ENG: variants seen among roughly 807,000 people sequenced by gnomAD.
ENG encodes the protein CD105 antigen.
A neutral mutation model predicts 71.0 loss-of-function variants in ENG; 17 were observed. The observed-to-expected ratio is 0.24, with a 90% CI of 0.16 to 0.36. ENG has a LOEUF of 0.36. Among genes scored for constraint, ENG ranks in the 10% least tolerant of loss-of-function variants. ENG has a pLI of 1.00. For missense variants in ENG, 749 were observed against 868.3 expected (o/e 0.86, Z 1.73); for synonymous variants, 360 against 366.9 (o/e 0.98, Z 0.21).
At chr9:127,848,843 C>T (rs1410160979) in intron 1 of ENG, among the ~76,000 whole-genome samples, 1 of 152,224 alleles carries the variant, frequency 6.6e-6, no homozygotes, top group Non-Finnish European at 1.5e-5. Context: ...CCACTGGATA[C>T]AGTGAGTTCT....
At chr9:127,847,880 G>GC (rs1297925465) in intron 1 of ENG, among the ~76,000 whole-genome samples, 1 of 152,114 alleles carries the variant, frequency 6.6e-6, no homozygotes, top group Non-Finnish European at 1.5e-5. Flanking sequence ...GCATGCCTTG[G>GC]CCCCGGGCTC....
rs774885687 is a variant in ENG, at chr9:127,818,109, GC to G, written c.1686+10del. The G allele has an allele frequency of 1.4e-5, 22 of 1,613,964 alleles. No homozygotes were observed. The highest frequency in any genetic ancestry group is 1.7e-5 in the Non-Finnish European group (20 of 1,180,046). On this transcript the variant is annotated intron_variant, in intron 12 of 14. Transcript: ENST00000373203. ...CCACTTGAAGCTGGGGCCGGCCCAG[GC>G]CCCACTCACCTGGTCTTGAGACCCG...
intron 3 of ENG, among the ~76,000 whole-genome samples, chr9:127,828,217 C>A (rs1830672172): frequency 6.6e-6 from 1 of 151,988 alleles, no homozygotes; most frequent in African/African-American, 2.4e-5. Context: ...AACAAGGGGG[C>A]AAAGTGATGG....
chr9:127,824,755 C>T (rs1240268757), intron 7 of ENG, 45 bp downstream of exon 7: 3 of 1,449,102 alleles, frequency 2.1e-6, no homozygotes, highest in Middle Eastern at 2.2e-4. Flanking sequence ...GGCCACTGAT[C>T]CAAGGGAGGG....
chr9:127,818,737 C>T lies in ENG; in HGVS notation c.1407G>A (p.Pro469=), dbSNP rs41302657. Residue 469 remains proline (P), a synonymous_variant, in exon 11 of 15, where the codon CCG becomes CCA. Transcript: ENST00000373203. ...HFLQASNTIE[P]GQQSFVQVRV... is the part of the protein sequence containing the mutation. ...GTACCTGCACAAAGCTCTGCTGCCCCGGCTCGATGGTGTTGGAGGCCTGGA... is the reference window on the plus strand; with the variant it reads ...GTACCTGCACAAAGCTCTGCTGCCCTGGCTCGATGGTGTTGGAGGCCTGGA... 683 of 1,614,074 alleles carry T rather than the reference C, an allele frequency of 4.2e-4. 1 individual carries two copies. Among genetic ancestry groups the T allele is most frequent in the Admixed American group, 9.8e-4 (59 of 60,014 alleles).
intron 1 of ENG, among the ~76,000 whole-genome samples, chr9:127,851,306 A>G (rs1009741912): frequency 6.6e-6 from 1 of 150,548 alleles, no homozygotes; most frequent in Non-Finnish European, 1.5e-5. Flanking sequence ...CACAACCTCC[A>G]CCTCCCAGGG....
chr9:127,822,985 C>A (rs566038420), intron 8 of ENG, among the ~76,000 whole-genome samples: 38 of 151,922 alleles, frequency 2.5e-4, no homozygotes, highest in African/African-American at 8.9e-4. Context: ...GGACTACAGG[C>A]GTGCACCACC....
chr9:127,820,642 C>A, intron 8 of ENG, among the ~76,000 whole-genome samples: 1 of 150,926 alleles, frequency 6.6e-6, no homozygotes, highest in East Asian at 2.0e-4. Context: ...TCCTGGCTAA[C>A]ATGATGAAAC....
intron 10 of ENG, chr9:127,819,102 T>G: frequency 2.5e-6 from 1 of 396,676 alleles, no homozygotes. Flanking sequence ...CACGCCCGGC[T>G]AATTTTTTGT....
chr9:127,844,877 G>A (rs1831133840), intron 1 of ENG, among the ~76,000 whole-genome samples: 1 of 152,216 alleles, frequency 6.6e-6, no homozygotes, highest in African/African-American at 2.4e-5. Context: ...TGGTCTGAAG[G>A]GGTTGAGAGT....
rs766675335 is a variant in ENG at position 127,824,430 on chromosome 9, G to A, written c.1008C>T (p.Thr336=). 3.7e-6 allele frequency: 6 copies of A among 1,613,736 alleles called. No homozygotes were observed. Among genetic ancestry groups the A allele is most frequent in the Non-Finnish European group, 5.1e-6 (6 of 1,179,926 alleles). ...HASSCGGRLQ[T]SPAPIQTTPP... ...GAGTGGTCTGGATCGGTGCGGGTGAGGTCTGCAGCCTACCACCTGTGGGGT... is the reference window on the plus strand; with the variant it reads ...GAGTGGTCTGGATCGGTGCGGGTGAAGTCTGCAGCCTACCACCTGTGGGGT... Residue 336 remains threonine (T), a synonymous_variant, in exon 8 of 15, where the codon ACC becomes ACT. Coordinates refer to ENST00000373203, the MANE Select transcript of ENG (RefSeq NM_001114753.3).
In ENG at chr9:127,820,041, G is replaced by A. The variant is rs772807668; in HGVS notation, c.1135-4C>T. Reference sequence around the variant, plus strand: ...CCGTGATGGTGCACTTCAAATGCTGGGTCGGAAGAGAGGGGCACCATCAGG... The same window carrying A: ...CCGTGATGGTGCACTTCAAATGCTGAGTCGGAAGAGAGGGGCACCATCAGG... On this transcript the variant is annotated splice_polypyrimidine_tract_variant and splice_region_variant and intron_variant, in intron 8 of 14. Transcript: ENST00000373203. The A allele has an allele frequency of 6.2e-7, 1 of 1,613,398 alleles. No individual in the cohort carries two copies. Among genetic ancestry groups the A allele is most frequent in the Non-Finnish European group, 8.5e-7 (1 of 1,179,938 alleles).
intron 1 of ENG, among the ~76,000 whole-genome samples, chr9:127,844,589 C>A (rs918900556): frequency 1.3e-5 from 2 of 152,042 alleles, no homozygotes; most frequent in South Asian, 2.1e-4. Context: ...ACCACCACAT[C>A]CAGCTAATTT....
intron 1 of ENG, among the ~76,000 whole-genome samples, chr9:127,849,666 G>A (rs1393298061): frequency 4.6e-5 from 7 of 152,140 alleles, no homozygotes; most frequent in South Asian, 2.1e-4. Flanking sequence ...GTTGTACCCC[G>A]GATGGGAGGG....
rs147562038 is a variant in ENG at position 127,822,954 on chromosome 9, C to T, written c.1134+1350G>A. ...CTACCGGGTTCAAGCGATTCTCCTG[C>T]CTCAGCCTCCTGAGTAGCTGGGACT... is the stretch of plus-strand genomic sequence containing the variant. On this transcript the variant is annotated intron_variant, in intron 8 of 14. Coordinates refer to ENST00000373203, the MANE Select transcript of ENG (RefSeq NM_001114753.3). 7.3e-3 allele frequency among the ~76,000 whole-genome samples: 1,111 copies of T among 152,210 alleles called. 22 individuals carry two copies. Among genetic ancestry groups the T allele is most frequent in the Admixed American group, 0.024 (372 of 15,276 alleles).
At chr9:127,837,833 G>C (rs1012207224) in intron 2 of ENG, among the ~76,000 whole-genome samples, 2 of 94,158 alleles carry the variant, frequency 2.1e-5, no homozygotes, top group Non-Finnish European at 4.2e-5. Context: ...ATTGATTCCT[G>C]GGCTGACTTC....
At chr9:127,837,868 G>A (rs1301615590) in intron 2 of ENG, among the ~76,000 whole-genome samples, 1 of 151,250 alleles carries the variant, frequency 6.6e-6, no homozygotes, top group Non-Finnish European at 1.5e-5. Flanking sequence ...AGATTCAGCA[G>A]TAAGAGGGCA....
intron 3 of ENG, among the ~76,000 whole-genome samples, chr9:127,828,986 G>A (rs1485193248): frequency 6.6e-6 from 1 of 152,098 alleles, no homozygotes; most frequent in Non-Finnish European, 1.5e-5. Context: ...GTGCTGGCAA[G>A]CCACCCTGCC....
chr9:127,824,177 G>T, intron 8 of ENG, 127 bp downstream of exon 8: 1 of 1,375,070 alleles, frequency 7.3e-7, no homozygotes, highest in Non-Finnish European at 1.0e-6. Flanking sequence ...ATACAAGTGG[G>T]AAAACTAAGG....
Sources: gnomAD v4.1 joint callset for allele counts (sites outside exome capture counted in the v4.1 genomes callset) on GRCh38, gnomAD v4.1.1 for gene constraint, MANE v1.5 for transcripts, NCBI Gene and HGNC (gene_info 2026-07-23, HGNC 2026-07-21) for gene names.